Variants in BORA observed in about 807,000 individuals in gnomAD.
BORA encodes the protein protein aurora borealis.
Under a neutral mutation model 55.8 loss-of-function variants are expected in BORA, and 26 were observed. That is an observed-to-expected ratio of 0.47 (90% CI 0.34 to 0.65). The LOEUF is 0.65. Among genes scored for constraint, BORA ranks in the 30% least tolerant of loss-of-function variants. The pLI, the probability that BORA is intolerant of heterozygous loss-of-function variation, is 0.01. For synonymous variants in BORA, 201 were observed against 216.9 expected, an observed-to-expected ratio of 0.93 and a Z score of 0.64; for missense variants, 568 against 671.5, an observed-to-expected ratio of 0.85 and a Z score of 1.70.
At chr13:72,738,158 A>G (rs2032968659) in intron 5 of BORA, 115 bp downstream of exon 5, 2 of 552,214 alleles carry the variant, frequency 3.6e-6, no homozygotes, top group Non-Finnish European at 5.8e-6. Context: ...AAAATTCTGG[A>G]TAACATAGAA....
In BORA at chr13:72,745,108, C is replaced by T. The variant is rs745391117; in HGVS notation, c.639C>T (p.Pro213=). 14 of 1,613,958 alleles carry T rather than the reference C, an allele frequency of 8.7e-6. No individual in the cohort carries two copies. Among genetic ancestry groups the T allele is most frequent in the African/African-American group, 2.7e-5 (2 of 74,886 alleles). The change falls in exon 8 of 12, where the codon CCC becomes CCT. Residue 213 remains proline (P), a synonymous_variant. Coordinates refer to ENST00000390667, the MANE Select transcript of BORA (RefSeq NM_024808.5). ...SISDSLPSAS[P]GSPHSGVQTS... is the part of the protein sequence containing the mutation. The stretch of plus-strand genomic sequence containing the variant: ...CCGACTCCTTACCTTCGGCTTCTCC[C>T]GGAAGTCCTCACAGTGGTGTTCAAA...
Position 72,729,032 on chromosome 13 carries a change from A to T in BORA, c.92A>T (p.Tyr31Phe), listed in dbSNP as rs774145473. ...VLNPFESPSDYSNLHEQTLAS... is the reference protein window; with the variant it reads ...VLNPFESPSDFSNLHEQTLAS... ...AATCCTTTTGAAAGTCCTAGTGATT[A>T]TTCTAATCTCCATGAACAAACTCTC... The change falls in exon 2 of 12, where the codon TAT (tyrosine) becomes TTT (phenylalanine). Residue 31 changes from tyrosine to phenylalanine, a missense_variant. Coordinates refer to ENST00000390667, the MANE Select transcript of BORA (RefSeq NM_024808.5). 10 of 1,603,232 alleles carry T rather than the reference A, an allele frequency of 6.2e-6. No individual in the cohort carries two copies. The highest frequency in any genetic ancestry group is 1.7e-4 in the Middle Eastern group (1 of 5,948).
In BORA at chr13:72,746,493, C is replaced by T. The variant is rs768834652; in HGVS notation, c.872-8C>T. The T allele has an allele frequency of 1.0e-5, 16 of 1,590,412 alleles. No individual in the cohort carries two copies. The highest frequency in any genetic ancestry group is 1.3e-5 in the Non-Finnish European group (15 of 1,166,814). On this transcript the variant is annotated splice_region_variant and splice_polypyrimidine_tract_variant and intron_variant, in intron 9 of 11. Coordinates refer to ENST00000390667, the MANE Select transcript of BORA (RefSeq NM_024808.5). ...TGATGTGATTTTTTTTCCCTTCCCACCTTTCAGAACAAAGGAAGTTTACTG... is the reference window on the plus strand; with the variant it reads ...TGATGTGATTTTTTTTCCCTTCCCATCTTTCAGAACAAAGGAAGTTTACTG...
intron 2 of BORA, among the ~76,000 whole-genome samples, chr13:72,729,741 TA>T (rs1425334609): frequency 2.0e-5 from 3 of 152,346 alleles, no homozygotes; most frequent in South Asian, 2.1e-4. Flanking sequence ...TGTCACAAGA[TA>T]TTTTTTTGTT....
intron 10 of BORA, chr13:72,752,788 G>A (rs1004216474): frequency 2.6e-5 from 4 of 152,006 alleles, no homozygotes; most frequent in South Asian, 2.1e-4. Flanking sequence ...AAAGAGTGCC[G>A]TTTCTAGGCT....
chr13:72,730,272 G>GT (rs1317539088), intron 2 of BORA, among the ~76,000 whole-genome samples: 1 of 152,120 alleles, frequency 6.6e-6, no homozygotes, highest in Non-Finnish European at 1.5e-5. Context: ...AGTTTATATT[G>GT]AGTCATTTCA....
chr13:72,745,834 A>G, intron 8 of BORA, 110 bp from the exon 9 acceptor site: 1 of 894,094 alleles, frequency 1.1e-6, no homozygotes, highest in Non-Finnish European at 1.6e-6. Flanking sequence ...GGTTCTCGTG[A>G]ACTATTACTA....
intron 4 of BORA, 85 bp from the exon 5 acceptor site, chr13:72,737,877 T>G: frequency 1.3e-6 from 1 of 775,924 alleles, no homozygotes; most frequent in Non-Finnish European, 2.0e-6. Flanking sequence ...ATATGACATG[T>G]TTAATAATTA....
chr13:72,750,861 C>A (rs2033257188), intron 10 of BORA, among the ~76,000 whole-genome samples: 1 of 152,016 alleles, frequency 6.6e-6, no homozygotes, highest in African/African-American at 2.4e-5. Flanking sequence ...GAATCTAGAA[C>A]CCTGATAGGA....
At chr13:72,734,140 C>G (rs1045463981) in intron 3 of BORA, among the ~76,000 whole-genome samples, 2 of 152,014 alleles carry the variant, frequency 1.3e-5, no homozygotes, top group African/African-American at 4.8e-5. Context: ...TACAACAAAC[C>G]CCAGTGACAC....
rs571403120 is a variant in BORA at position 72,736,088 on chromosome 13, ACTT to A, written c.306+1092_306+1094del. Among the ~76,000 whole-genome samples the A allele has an allele frequency of 2.1e-3, 321 of 150,790 alleles. 1 individual carries two copies. Among genetic ancestry groups the A allele is most frequent in the African/African-American group, 7.4e-3 (304 of 41,002 alleles). ...TGTTTACTCCTGCTAAACATTACCTACTTCTTCTTCTATCTAGTAACTGCACAG... is the reference window on the plus strand; with the variant it reads ...TGTTTACTCCTGCTAAACATTACCTACTTCTTCTATCTAGTAACTGCACAG... On this transcript the variant is annotated intron_variant, in intron 4 of 11. Coordinates refer to ENST00000390667, the MANE Select transcript of BORA (RefSeq NM_024808.5).
intron 11 of BORA, chr13:72,754,301 G>A (rs994564297): frequency 2.6e-5 from 4 of 154,942 alleles, no homozygotes; most frequent in Non-Finnish European, 5.6e-5. Context: ...CTTGTATGCC[G>A]TTTCTTTTTT....
At chr13:72,732,758 C>T (rs1440941728) in intron 3 of BORA, among the ~76,000 whole-genome samples, 1 of 152,108 alleles carries the variant, frequency 6.6e-6, no homozygotes, top group Admixed American at 6.5e-5. Context: ...GCAAATGAGT[C>T]ACAGTGACTA....
chr13:72,744,642 G>A, intron 7 of BORA, 81 bp downstream of exon 7: 1 of 1,054,924 alleles, frequency 9.5e-7, no homozygotes, highest in Non-Finnish European at 1.4e-6. Context: ...TGGTAACATG[G>A]GAAATATGTG....
chr13:72,733,645 A>G (rs2032863191), intron 3 of BORA, among the ~76,000 whole-genome samples: 1 of 152,186 alleles, frequency 6.6e-6, no homozygotes, highest in Non-Finnish European at 1.5e-5. Flanking sequence ...CATTTTGACC[A>G]TGATAAGATG....
chr13:72,755,290 T>C lies in BORA; in HGVS notation c.*74T>C. The C allele has an allele frequency of 1.5e-6, 2 of 1,306,606 alleles. No individual in the cohort carries two copies. The highest frequency in any genetic ancestry group is 2.5e-5 in the South Asian group (2 of 80,760). 80.9% of individuals were successfully genotyped at this position (1,306,606 alleles called of 1,614,324 possible). ...ATCGTTGTGCACAGGATCAACATGA[T>C]GGTGACTGGGAAAAAATTACTTCAA... On this transcript the variant is annotated 3_prime_UTR_variant, in exon 12 of 12. Transcript: ENST00000390667.
rs143395437 is a variant in BORA, at chr13:72,749,966, G to A, written c.1482+2855G>A. 1.4e-3 allele frequency among the ~76,000 whole-genome samples: 216 copies of A among 152,166 alleles called. 1 individual carries two copies. The highest frequency in any genetic ancestry group is 4.7e-3 in the African/African-American group (195 of 41,506). Reference sequence around the variant, plus strand: ...GCAGTCATGCATGTTTTTATCCCCAGTGCTTATTAAAAAGAACCCGTCACG... The same window carrying A: ...GCAGTCATGCATGTTTTTATCCCCAATGCTTATTAAAAAGAACCCGTCACG... On this transcript the variant is annotated intron_variant, in intron 10 of 11. Transcript: ENST00000390667.
At chr13:72,744,317 G>A (rs549335184) in intron 6 of BORA, among the ~76,000 whole-genome samples, 188 bp from the exon 7 acceptor site, 8 of 152,316 alleles carry the variant, frequency 5.3e-5, no homozygotes, top group Admixed American at 1.3e-4. Context: ...CACCAGTTGC[G>A]GAGAGTGTGG....
chr13:72,750,186 G>A (rs2033236405), intron 10 of BORA, among the ~76,000 whole-genome samples: 1 of 152,062 alleles, frequency 6.6e-6, no homozygotes, highest in Admixed American at 6.6e-5. Context: ...GAGGAGAAAG[G>A]GACACTTAGA....
Sources: gnomAD v4.1 joint callset for allele counts (sites outside exome capture counted in the v4.1 genomes callset) on GRCh38, gnomAD v4.1.1 for gene constraint, MANE v1.5 for transcripts, NCBI Gene and HGNC (gene_info 2026-07-23, HGNC 2026-07-21) for gene names.